Variants in WIPI2 observed in about 807,000 individuals in gnomAD.
WIPI2 encodes the protein WD repeat domain, phosphoinositide interacting 2, also known as WD repeat domain phosphoinositide-interacting protein 2.
A neutral mutation model predicts 52.3 loss-of-function variants in WIPI2; 28 were observed. The ratio of observed to expected loss-of-function variants is 0.54; its 90% CI spans 0.40 to 0.73. The LOEUF (loss-of-function observed/expected upper bound fraction) is 0.73, where lower values mean the gene tolerates loss of function less well. Ranked by LOEUF, WIPI2 falls within the 30% of genes least tolerant of loss-of-function variation. WIPI2 has a pLI of 0.00. For synonymous variants in WIPI2, 268 were observed against 245.0 expected, an observed-to-expected ratio of 1.09 and a Z score of -0.88; for missense variants, 506 against 602.9, an observed-to-expected ratio of 0.84 and a Z score of 1.68.
chr7:5,213,665 TTTGTTG>T (rs149745229), intron 3 of WIPI2, among the ~76,000 whole-genome samples: 3,373 of 55,870 alleles, frequency 0.06, 124 homozygotes, highest in African/African-American at 0.23. Flanking sequence ...TTTTCTTTGT[TTTGTTG>T]TTGTTGTTGT....
chr7:5,201,066 G>A lies in WIPI2; in HGVS notation c.211+1408G>A, dbSNP rs145214703. Among the ~76,000 whole-genome samples the A allele has an allele frequency of 3.3e-4, 50 of 152,360 alleles. No individual in the cohort carries two copies. The East Asian group carries it at 7.5e-3, about 23-fold the overall frequency. On this transcript the variant is annotated intron_variant, in intron 3 of 12. Transcript: ENST00000288828. ...GATAACATAGGTGTGAGCCAGGGCT[G>A]TTTATCCCAGGCGCCGCCCGCCTTC...
At chr7:5,191,059 G>A (rs1781459698) in intron 1 of WIPI2, among the ~76,000 whole-genome samples, 1 of 151,936 alleles carries the variant, frequency 6.6e-6, no homozygotes, top group African/African-American at 2.4e-5. Context: ...TTGCTCTGTT[G>A]CCCAGGCTGG....
intron 2 of WIPI2, among the ~76,000 whole-genome samples, chr7:5,193,840 G>A (rs1443887391): frequency 1.3e-5 from 2 of 152,202 alleles, no homozygotes. Flanking sequence ...AGCCTCCAGA[G>A]CATTGGGATT....
In WIPI2 at chr7:5,227,398, C is replaced by T; in HGVS notation, c.1013+54C>T. 16 of 1,590,834 alleles carry T rather than the reference C, an allele frequency of 1.0e-5. No individual in the cohort carries two copies. The highest frequency in any genetic ancestry group is 1.4e-5 in the Non-Finnish European group (16 of 1,171,414). Reference sequence around the variant, plus strand: ...ACCCCGTGTGCCTCAGGCCGAGGGGCCCAGTCCTGGCGGCTTGTGGCCCCT... The same window carrying T: ...ACCCCGTGTGCCTCAGGCCGAGGGGTCCAGTCCTGGCGGCTTGTGGCCCCT... On this transcript the variant is annotated intron_variant, in intron 10 of 12. Coordinates refer to ENST00000288828, the MANE Select transcript of WIPI2 (RefSeq NM_015610.4). This position sits in a 1 kb window ranked among gnomAD's most constrained non-coding sequence, Gnocchi z 8.1.
intron 11 of WIPI2, among the ~76,000 whole-genome samples, chr7:5,229,140 C>G (rs972321165): frequency 6.6e-6 from 1 of 152,164 alleles, no homozygotes; most frequent in Admixed American, 6.5e-5. Context: ...CTCAGCCTCC[C>G]GAGTAGCTGG....
intron 11 of WIPI2, 178 bp from the exon 12 acceptor site, chr7:5,229,428 ACT>A (rs1443421338): frequency 1.9e-5 from 12 of 622,866 alleles, no homozygotes; most frequent in African/African-American, 1.7e-4. Context: ...TCCATGTAAA[ACT>A]CTTCATGTAA....
chr7:5,229,886 G>A (rs554333150), intron 12 of WIPI2, 148 bp downstream of exon 12: 3 of 1,129,558 alleles, frequency 2.7e-6, no homozygotes, highest in East Asian at 5.4e-5. Context: ...TGGTAAATGG[G>A]TGTTCCCAAG....
intron 3 of WIPI2, chr7:5,213,315 CTGAA>C (rs1782651285): frequency 6.6e-6 from 1 of 152,326 alleles, no homozygotes; most frequent in Admixed American, 6.5e-5. Context: ...TGAAAAGACA[CTGAA>C]TGGATGCTGT....
At chr7:5,209,284 ATTTC>A (rs1467269645) in intron 3 of WIPI2, among the ~76,000 whole-genome samples, 1 of 152,016 alleles carries the variant, frequency 6.6e-6, no homozygotes, top group Non-Finnish European at 1.5e-5. Context: ...TGTGCCTTTT[ATTTC>A]TTTTTCTTGC....
At chr7:5,217,787 A>C (rs527822473) in intron 6 of WIPI2, 135 bp from the exon 7 acceptor site, 34 of 804,588 alleles carry the variant, frequency 4.2e-5, no homozygotes, top group Middle Eastern at 7.5e-4. Context: ...CCAGTAAATC[A>C]AGTGGGTTTG....
At chr7:5,202,841 C>T (rs138414180) in intron 3 of WIPI2, among the ~76,000 whole-genome samples, 1 of 152,162 alleles carries the variant, frequency 6.6e-6, no homozygotes, top group Non-Finnish European at 1.5e-5. Context: ...TATTCTACAA[C>T]AGTATCCTAC....
chr7:5,220,046 G>A (rs1202240587), intron 7 of WIPI2, among the ~76,000 whole-genome samples: 1 of 152,002 alleles, frequency 6.6e-6, no homozygotes, highest in Non-Finnish European at 1.5e-5. Flanking sequence ...CTGTTGGCCA[G>A]GCTGGTTTCA....
intron 3 of WIPI2, among the ~76,000 whole-genome samples, chr7:5,211,420 C>A (rs1167413071): frequency 1.3e-5 from 2 of 152,162 alleles, no homozygotes; most frequent in South Asian, 4.1e-4. Context: ...TGCAGTGAGT[C>A]GAGATCACGC....
chr7:5,211,187 C>G (rs1365575257), intron 3 of WIPI2, among the ~76,000 whole-genome samples: 1 of 152,120 alleles, frequency 6.6e-6, no homozygotes, highest in African/African-American at 2.4e-5. Flanking sequence ...AATCTTTTCC[C>G]GAGGCTGGGA....
intron 3 of WIPI2, among the ~76,000 whole-genome samples, chr7:5,200,897 T>C (rs1468187375): frequency 6.6e-6 from 1 of 152,206 alleles, no homozygotes; most frequent in African/African-American, 2.4e-5. Flanking sequence ...AGAATTTCCA[T>C]GATCAGCGTC....
intron 2 of WIPI2, among the ~76,000 whole-genome samples, chr7:5,197,763 G>A (rs1469804360): frequency 1.3e-5 from 2 of 152,186 alleles, no homozygotes; most frequent in Non-Finnish European, 2.9e-5. Context: ...CAAATACTTA[G>A]TGTGAAATGT....
rs369476218 is a variant in WIPI2, at chr7:5,200,527, T to C, written c.211+869T>C. 4.6e-5 allele frequency among the ~76,000 whole-genome samples: 7 copies of C among 151,378 alleles called. No individual in the cohort carries two copies. The East Asian group carries it at 7.9e-4, about 17-fold the overall frequency. On this transcript the variant is annotated intron_variant, in intron 3 of 12. Transcript: ENST00000288828. ...CTCCAGTCCTCCTTGTGCTCGTTTGTGTGTGCGTAGGTTCTGTGCAGTCTT... is the reference window on the plus strand; with the variant it reads ...CTCCAGTCCTCCTTGTGCTCGTTTGCGTGTGCGTAGGTTCTGTGCAGTCTT...
intron 3 of WIPI2, among the ~76,000 whole-genome samples, chr7:5,204,042 G>T (rs1224759096): frequency 6.6e-6 from 1 of 152,156 alleles, no homozygotes; most frequent in African/African-American, 2.4e-5. Context: ...GATTATTATG[G>T]CATCTTTCAC....
At chr7:5,211,135 C>T (rs1782539293) in intron 3 of WIPI2, among the ~76,000 whole-genome samples, 1 of 152,108 alleles carries the variant, frequency 6.6e-6, no homozygotes, top group South Asian at 2.1e-4. Context: ...AGGACGTTGC[C>T]CTGTGTGACC....
Sources: gnomAD v4.1 joint callset for allele counts (sites outside exome capture counted in the v4.1 genomes callset) on GRCh38, gnomAD v4.1.1 for gene constraint, Gnocchi (gnomAD v3.1) non-coding constraint, MANE v1.5 for transcripts, NCBI Gene and HGNC (gene_info 2026-07-23, HGNC 2026-07-21) for gene names.